The following PRDM16 variants were observed in gnomAD, a reference collection of about 807,000 sequenced individuals.
The protein encoded by PRDM16 is PR/SET domain 16, also known as histone-lysine N-methyltransferase PRDM16.
PRDM16 carries 23 observed loss-of-function variants against 110.6 expected under a neutral mutation model. That is an observed-to-expected ratio of 0.21 (90% CI 0.15 to 0.29). The LOEUF is 0.29. PRDM16 is among the 10% of genes least tolerant of loss of function. PRDM16 has a pLI of 1.00. For synonymous variants in PRDM16, 799 were observed against 781.8 expected (o/e 1.02, Z -0.37); for missense variants, 1,615 against 1,794.3 (o/e 0.90, Z 1.81).
intron 3 of PRDM16, among the ~76,000 whole-genome samples, chr1:3,352,433 C>T (rs78249384): frequency 2.0e-3 from 305 of 152,302 alleles, no homozygotes; most frequent in African/African-American, 7.0e-3. Context: ...CCTTGCTGCC[C>T]GCAGTGGGCT....
At chr1:3,119,545 C>T (rs1198853923) in intron 1 of PRDM16, among the ~76,000 whole-genome samples, 4 of 152,164 alleles carry the variant, frequency 2.6e-5, no homozygotes, top group African/African-American at 9.7e-5. Context: ...CTGTCCCGTG[C>T]CTGGCATCCA....
At chr1:3,433,452 C>T (rs1482791075) in intron 16 of PRDM16, among the ~76,000 whole-genome samples, 1 of 152,080 alleles carries the variant, frequency 6.6e-6, no homozygotes, top group African/African-American at 2.4e-5. Context: ...CACTCACCTG[C>T]CTGTCCAGGA....
intron 1 of PRDM16, among the ~76,000 whole-genome samples, chr1:3,146,757 G>C (rs368077002): frequency 7.6e-6 from 1 of 131,978 alleles, no homozygotes; most frequent in African/African-American, 2.9e-5. Context: ...GTGTGTGCTC[G>C]GTGTAGGGGG....
intron 3 of PRDM16, among the ~76,000 whole-genome samples, chr1:3,293,688 C>A (rs537031855): frequency 1.1e-4 from 16 of 152,314 alleles, no homozygotes; most frequent in African/African-American, 3.8e-4. Context: ...TAGGGTATTT[C>A]ATTGTTAAGA....
intron 3 of PRDM16, among the ~76,000 whole-genome samples, chr1:3,270,355 CGGAGGAGGACAGTCA>C (rs1385569002): frequency 3.1e-5 from 4 of 128,438 alleles, no homozygotes; most frequent in African/African-American, 1.0e-4. Context: ...AGGACAGTCC[CGGAGGAGGACAGTCA>C]GGAGGAGGAC....
At chr1:3,426,932 C>T (rs1638624783) in intron 14 of PRDM16, among the ~76,000 whole-genome samples, 1 of 152,192 alleles carries the variant, frequency 6.6e-6, no homozygotes, top group African/African-American at 2.4e-5. Flanking sequence ...CACGTGCACT[C>T]ATGCACACAC....
At chr1:3,215,179 G>A (rs1464871286) in intron 2 of PRDM16, among the ~76,000 whole-genome samples, 2 of 152,182 alleles carry the variant, frequency 1.3e-5, no homozygotes, top group Non-Finnish European at 2.9e-5. Context: ...GAACCAAAAG[G>A]ACATCCCCAA....
chr1:3,412,072 G>C lies in PRDM16; in HGVS notation c.1875G>C (p.Leu625=), dbSNP rs771286684. 2.5e-6 allele frequency: 4 copies of C among 1,601,468 alleles called. No homozygotes were observed. The highest frequency in any genetic ancestry group is 1.3e-5 in the African/African-American group (1 of 74,610). The change falls in exon 9 of 17, where the codon CTG becomes CTC. Residue 625 remains leucine, a synonymous_variant. Transcript: ENST00000270722. The part of the protein sequence containing the change: ...LDTTTGTGSD[L]DSDVDSDPDK... The stretch of plus-strand genomic sequence containing the variant: ...CGACCACGGGGACGGGCTCGGACCT[G>C]GACAGCGACGTGGACAGCGACCCTG...
At chr1:3,342,241 C>G (rs1642287093) in intron 3 of PRDM16, among the ~76,000 whole-genome samples, 1 of 152,196 alleles carries the variant, frequency 6.6e-6, no homozygotes, top group African/African-American at 2.4e-5. Flanking sequence ...TGAACATATT[C>G]CTAAGACAAT....
chr1:3,146,232 C>T (rs973756219), intron 1 of PRDM16, among the ~76,000 whole-genome samples: 4 of 152,218 alleles, frequency 2.6e-5, no homozygotes, highest in South Asian at 4.1e-4. Flanking sequence ...CGGGGGGGCC[C>T]GCTAACCAAT....
At chr1:3,104,543 C>T (rs1014157694) in intron 1 of PRDM16, among the ~76,000 whole-genome samples, 10 of 114,984 alleles carry the variant, frequency 8.7e-5, no homozygotes, top group Non-Finnish European at 1.7e-4. Context: ...CAAGGGTGGG[C>T]GCCGCAGCCA....
chr1:3,083,074 T>C (rs1312901185), intron 1 of PRDM16, among the ~76,000 whole-genome samples: 1 of 152,164 alleles, frequency 6.6e-6, no homozygotes, highest in Non-Finnish European at 1.5e-5. Flanking sequence ...ATCCAGGCAG[T>C]CAGGAGCTAT....
intron 1 of PRDM16, among the ~76,000 whole-genome samples, chr1:3,182,858 T>C (rs1569790122): frequency 6.6e-6 from 1 of 151,586 alleles, no homozygotes; most frequent in South Asian, 2.1e-4. Flanking sequence ...CAGAAAGGGG[T>C]GGCCTTGGCC....
intron 1 of PRDM16, among the ~76,000 whole-genome samples, chr1:3,146,851 AGTGTGGGGTGTGTGTGCACGTGTGTTTG>A (rs1643673109): frequency 1.1e-4 from 6 of 56,710 alleles, no homozygotes; most frequent in African/African-American, 2.9e-4. Flanking sequence ...GTGTGTGCTC[AGTGTGGGGTGTGTGTGCACGTGTGTTTG>A]GTGTGGGGTG....
chr1:3,331,220 C>G (rs1295969712), intron 3 of PRDM16, among the ~76,000 whole-genome samples: 1 of 152,126 alleles, frequency 6.6e-6, no homozygotes, highest in Non-Finnish European at 1.5e-5. Flanking sequence ...AGGGGGGAAG[C>G]TGCGCAACTT....
At chr1:3,102,872 G>C (rs572260489) in intron 1 of PRDM16, among the ~76,000 whole-genome samples, 26 of 152,348 alleles carry the variant, frequency 1.7e-4, no homozygotes, top group African/African-American at 5.3e-4. Flanking sequence ...GGTGGGAGGT[G>C]GCCCTGCTGC....
chr1:3,375,828 G>A (rs1046963191), intron 3 of PRDM16, among the ~76,000 whole-genome samples: 1 of 152,226 alleles, frequency 6.6e-6, no homozygotes, highest in African/African-American at 2.4e-5. Flanking sequence ...GACGCTGCTG[G>A]GAGGTCGCTC....
At position 3,069,474 on chromosome 1, in the gene PRDM16, G is replaced by C. The variant is rs1185291266; in HGVS notation, c.37+178G>C. Among the ~76,000 whole-genome samples, 1 of 143,808 alleles carries C rather than the reference G, an allele frequency of 7.0e-6. No homozygotes were observed. The highest frequency in any genetic ancestry group is 6.8e-5 in the Admixed American group (1 of 14,684). The allele number at this position is 143,808 out of a possible 152,430, so 94.3% of individuals were successfully genotyped here. On this transcript the variant is annotated intron_variant, in intron 1 of 16. Coordinates refer to ENST00000270722, the MANE Select transcript of PRDM16 (RefSeq NM_022114.4). The surrounding 1 kb of genome is among the most constrained non-coding windows in gnomAD (Gnocchi z 6.1). ...CCCGCGCTCCGGGGCGACCGGGCTC[G>C]GCGCGGAGGCTCGGGGCGCCCGGGC...
At chr1:3,139,141 T>C (rs1477097131) in intron 1 of PRDM16, among the ~76,000 whole-genome samples, 1 of 151,524 alleles carries the variant, frequency 6.6e-6, no homozygotes, top group Non-Finnish European at 1.5e-5. Context: ...TGGACGAGTT[T>C]TCAGGTTCTC....
Sources: gnomAD v4.1 joint callset for allele counts (sites outside exome capture counted in the v4.1 genomes callset) on GRCh38, gnomAD v4.1.1 for gene constraint, Gnocchi (gnomAD v3.1) non-coding constraint, MANE v1.5 for transcripts, NCBI Gene and HGNC (gene_info 2026-07-23, HGNC 2026-07-21) for gene names.